The following RBFOX1 variants were observed in gnomAD, a reference collection of about 807,000 sequenced individuals.
RBFOX1 encodes RNA binding fox-1 homolog 1, also known as RNA binding protein fox-1 homolog 1.
A neutral mutation model predicts 57.7 loss-of-function variants in RBFOX1; 8 were observed. The observed-to-expected ratio is 0.14, with a 90% CI of 0.08 to 0.25. The LOEUF is 0.25. Ranked by LOEUF, RBFOX1 falls within the 10% of genes least tolerant of loss-of-function variation. The pLI is 1.00. For missense variants in RBFOX1, 611 were observed against 548.5 expected (o/e 1.11, Z -1.14); for synonymous variants, 326 against 222.4 (o/e 1.47, Z -4.15).
chr16:6,914,864 G>A (rs2153440886), intron 3 of RBFOX1, among the ~76,000 whole-genome samples: 1 of 152,266 alleles, frequency 6.6e-6, no homozygotes, highest in East Asian at 1.9e-4. Context: ...TTCCAAGCTG[G>A]GCAACAGAGC....
At chr16:6,808,286 T>C (rs2154263995) in intron 3 of RBFOX1, among the ~76,000 whole-genome samples, 1 of 151,984 alleles carries the variant, frequency 6.6e-6, no homozygotes, top group Non-Finnish European at 1.5e-5. Context: ...CTCTTATCTT[T>C]TTCTCTCCTG....
chr16:6,353,422 A>G (rs1209791421), intron 2 of RBFOX1, among the ~76,000 whole-genome samples: 1 of 151,324 alleles, frequency 6.6e-6, no homozygotes, highest in Non-Finnish European at 1.5e-5. Context: ...TTGGTGTTTT[A>G]CTGACAAATA....
At chr16:7,691,850 C>A (rs946525310) in intron 14 of RBFOX1, among the ~76,000 whole-genome samples, 2 of 152,134 alleles carry the variant, frequency 1.3e-5, no homozygotes, top group Non-Finnish European at 2.9e-5. Flanking sequence ...AGTGCAAAGA[C>A]CTTGCCGCTT....
chr16:6,680,841 C>T (rs367954745), intron 3 of RBFOX1, among the ~76,000 whole-genome samples: 30 of 152,290 alleles, frequency 2.0e-4, no homozygotes, highest in African/African-American at 7.0e-4. Flanking sequence ...TTGGTTAAAA[C>T]ATGAATGAAG....
chr16:5,750,650 G>A (rs547301100), intron 3 of RBFOX1, among the ~76,000 whole-genome samples: 5 of 152,190 alleles, frequency 3.3e-5, no homozygotes, highest in East Asian at 3.9e-4. Context: ...CTTTGTGGGC[G>A]TGGGACCCTC....
chr16:5,905,177 C>T (rs945343000), intron 4 of RBFOX1, among the ~76,000 whole-genome samples: 1 of 148,590 alleles, frequency 6.7e-6, no homozygotes. Context: ...AAGTGATTCT[C>T]CTGCCTCAGC....
intron 1 of RBFOX1, among the ~76,000 whole-genome samples, chr16:6,274,292 C>G (rs574582560): frequency 2.6e-5 from 4 of 152,278 alleles, no homozygotes; most frequent in Admixed American, 2.6e-4. Context: ...AAACTGGGAA[C>G]AGCCTACATA....
intron 2 of RBFOX1, among the ~76,000 whole-genome samples, chr16:6,534,370 C>A (rs2096706975): frequency 1.3e-5 from 2 of 152,052 alleles, no homozygotes; most frequent in Admixed American, 6.6e-5. Flanking sequence ...AGCTGACGAA[C>A]AGGAGAAATT....
At chr16:6,301,169 A>C (rs1354976024) in intron 1 of RBFOX1, among the ~76,000 whole-genome samples, 1 of 152,222 alleles carries the variant, frequency 6.6e-6, no homozygotes, top group Non-Finnish European at 1.5e-5. Flanking sequence ...GACTTATTTA[A>C]ATCTCTACAT....
intron 2 of RBFOX1, among the ~76,000 whole-genome samples, chr16:6,501,841 T>C (rs1201045588): frequency 6.6e-6 from 1 of 152,108 alleles, no homozygotes; most frequent in East Asian, 1.9e-4. Context: ...CTTCTTGGTT[T>C]TCACACCCCT....
chr16:6,732,151 A>T (rs983597796), intron 3 of RBFOX1, among the ~76,000 whole-genome samples: 6 of 151,940 alleles, frequency 3.9e-5, no homozygotes, highest in Non-Finnish European at 8.8e-5. Context: ...TCTTTCCCCT[A>T]TACATCTGAT....
intron 4 of RBFOX1, among the ~76,000 whole-genome samples, chr16:7,117,841 C>G (rs1007809161): frequency 2.0e-5 from 3 of 152,134 alleles, no homozygotes; most frequent in African/African-American, 7.2e-5. Flanking sequence ...TTCAAGCTCC[C>G]TCAGGTTGCT....
intron 3 of RBFOX1, among the ~76,000 whole-genome samples, chr16:6,973,056 G>C (rs1473972543): frequency 6.6e-6 from 1 of 152,124 alleles, no homozygotes; most frequent in Admixed American, 6.5e-5. Flanking sequence ...AGTTGAACCT[G>C]GGAGGTGGAG....
At chr16:5,873,286 C>G (rs531454932) in intron 4 of RBFOX1, among the ~76,000 whole-genome samples, 2 of 152,176 alleles carry the variant, frequency 1.3e-5, no homozygotes, top group African/African-American at 4.8e-5. Context: ...CCTGCCCTAA[C>G]CAGACAGAAG....
chr16:6,524,485 A>T (rs575865334), intron 2 of RBFOX1, among the ~76,000 whole-genome samples: 4 of 152,232 alleles, frequency 2.6e-5, no homozygotes, highest in African/African-American at 9.6e-5. Context: ...TTTGTCTTCC[A>T]TGTTACCTCG....
At chr16:6,669,794 G>C (rs1404279070) in intron 3 of RBFOX1, among the ~76,000 whole-genome samples, 1 of 152,146 alleles carries the variant, frequency 6.6e-6, no homozygotes, top group Non-Finnish European at 1.5e-5. Flanking sequence ...AGGACTTCTA[G>C]CTTTTGGTTA....
At chr16:5,765,582 A>G (rs1384326327) in intron 3 of RBFOX1, among the ~76,000 whole-genome samples, 2 of 152,232 alleles carry the variant, frequency 1.3e-5, no homozygotes, top group East Asian at 1.9e-4. Context: ...ACTACACATG[A>G]AAGAATGGCT....
At chr16:5,481,406 A>G (rs1048399130) in intron 2 of RBFOX1, among the ~76,000 whole-genome samples, 2 of 152,206 alleles carry the variant, frequency 1.3e-5, no homozygotes, top group South Asian at 2.1e-4. Flanking sequence ...GTATCTTTCA[A>G]TACCATTTGA....
At chr16:5,333,686 C>A (rs1489406780) in intron 1 of RBFOX1, among the ~76,000 whole-genome samples, 2 of 152,174 alleles carry the variant, frequency 1.3e-5, no homozygotes, top group African/African-American at 4.8e-5. Context: ...GTAAGAACAT[C>A]ACAGGGTGCA....
Sources: gnomAD v4.1 joint callset for allele counts (sites outside exome capture counted in the v4.1 genomes callset) on GRCh38, gnomAD v4.1.1 for gene constraint, MANE v1.5 for transcripts, NCBI Gene and HGNC (gene_info 2026-07-23, HGNC 2026-07-21) for gene names.